DDX50: variants seen among roughly 807,000 people sequenced by gnomAD.
DDX50 encodes ATP-dependent RNA helicase DDX50.
A neutral mutation model predicts 94.8 loss-of-function variants in DDX50; 56 were observed. The observed-to-expected ratio is 0.59, with a 90% CI of 0.48 to 0.74. The LOEUF is 0.74. Ranked by LOEUF, DDX50 falls within the 30% of genes least tolerant of loss-of-function variation. The pLI is 0.00. For synonymous variants in DDX50, 264 were observed against 295.4 expected (o/e 0.89, Z 1.09); for missense variants, 713 against 881.2 (o/e 0.81, Z 2.42).
intron 12 of DDX50, among the ~76,000 whole-genome samples, chr10:68,937,481 G>A (rs1210389400): frequency 5.3e-5 from 8 of 152,040 alleles, no homozygotes; most frequent in Non-Finnish European, 1.0e-4. Context: ...ACCATGTATA[G>A]GTATCAGATC....
intron 8 of DDX50, among the ~76,000 whole-genome samples, chr10:68,931,390 A>ATATAT (rs1312993056): frequency 1.5e-3 from 70 of 46,806 alleles, no homozygotes; most frequent in South Asian, 8.4e-3. Context: ...ATTAAAAAAA[A>ATATAT]AAATATATAT....
In DDX50 at chr10:68,929,292, C is replaced by CCTTCCTTCCTTCCT. The variant is rs1554836333; in HGVS notation, c.1240-4905_1240-4904insTCCTTCCTTCCTCT. Among the ~76,000 whole-genome samples, 1,115 of 122,460 alleles carry CCTTCCTTCCTTCCT rather than the reference C, an allele frequency of 9.1e-3. 10 individuals carry two copies. The highest frequency in any genetic ancestry group is 0.017 in the Middle Eastern group (4 of 232). The allele number at this position is 122,460 out of a possible 152,430, so 80.3% of individuals were successfully genotyped here. ...TCCTTCCTTCCTTCCTTCCTTCCTT[C>CCTTCCTTCCTTCCT]CTCTCTCTCTCTCTCTCTCTCTTTC... On this transcript the variant is annotated intron_variant, in intron 8 of 14. Coordinates refer to ENST00000373585, the MANE Select transcript of DDX50 (RefSeq NM_024045.2).
At position 68,937,104 on chromosome 10, in the gene DDX50, C is replaced by A; in HGVS notation, c.1755+9C>A. On this transcript the variant is annotated intron_variant, in intron 12 of 14. Coordinates refer to ENST00000373585, the MANE Select transcript of DDX50 (RefSeq NM_024045.2). ...TGATCACCTCTGATAAGGTAGAAAT[C>A]TGTGAGAAAATTGTACATGAGTGGG... 1 of 1,582,236 alleles carries A rather than the reference C, an allele frequency of 6.3e-7. No individual in the cohort carries two copies. Among genetic ancestry groups the A allele is most frequent in the South Asian group, 1.1e-5 (1 of 87,672 alleles).
At chr10:68,913,939 TA>T in intron 6 of DDX50, 119 bp from the exon 7 acceptor site, 2 of 1,052,452 alleles carry the variant, frequency 1.9e-6, no homozygotes, top group Non-Finnish European at 2.6e-6. Context: ...GTCTGTGTGT[TA>T]AAAATTCACC....
rs538366988 is a variant in DDX50, at chr10:68,919,899, G to A, written c.1157G>A (p.Ser386Asn). 10 of 1,613,994 alleles carry A rather than the reference G, an allele frequency of 6.2e-6. No homozygotes were observed. Among genetic ancestry groups the A allele is most frequent in the Non-Finnish European group, 8.5e-6 (10 of 1,179,958 alleles). ...ATTGGAGATGTCCTTCAAGTCTACA[G>A]TGGGTCTGAAGGGAGGGCTATTATT... is the stretch of plus-strand genomic sequence containing the variant. ...AVIGDVLQVY[S>N]GSEGRAIIFC... The change falls in exon 8 of 15, where the codon AGT (serine) becomes AAT (asparagine). Residue 386 changes from serine (S) to asparagine (N), a missense_variant. By Grantham distance (46) the Ser-to-Asn change is conservative. This residue lies in a region of DDX50 where 428 missense variants were observed against 602.3 expected (regional missense o/e 0.71). Transcript: ENST00000373585.
At chr10:68,929,285 CTTCCTTCCTCTCTCT>C (rs1410717732) in intron 8 of DDX50, among the ~76,000 whole-genome samples, 1 of 77,898 alleles carries the variant, frequency 1.3e-5, no homozygotes, top group Middle Eastern at 6.4e-3. Context: ...TCCTTCCTTC[CTTCCTTCCTCTCTCT>C]CTCTCTCTCT....
chr10:68,903,027 T>C (rs1306329201), intron 1 of DDX50, among the ~76,000 whole-genome samples: 1 of 152,230 alleles, frequency 6.6e-6, no homozygotes, highest in African/African-American at 2.4e-5. Context: ...CAGAAATACA[T>C]ATTGACTGCC....
At chr10:68,911,601 G>A (rs2132026969) in intron 4 of DDX50, 1 of 159,686 alleles carries the variant, frequency 6.3e-6, no homozygotes, top group African/African-American at 2.4e-5. Context: ...TCATTTATTT[G>A]TCATTCAGTA....
chr10:68,932,512 A>G (rs1017742888), intron 8 of DDX50, among the ~76,000 whole-genome samples: 8 of 152,098 alleles, frequency 5.3e-5, no homozygotes, highest in African/African-American at 1.9e-4. Flanking sequence ...CACCCACGTC[A>G]GCCTCCCAAA....
At chr10:68,923,221 A>T (rs57083905) in intron 8 of DDX50, among the ~76,000 whole-genome samples, 87 of 142,056 alleles carry the variant, frequency 6.1e-4, no homozygotes, top group African/African-American at 1.7e-3. Context: ...TATATATTTT[A>T]TTTTTTTTTC....
chr10:68,938,966 TCAAG>T, intron 12 of DDX50, among the ~76,000 whole-genome samples: 2 of 152,336 alleles, frequency 1.3e-5, no homozygotes, highest in Non-Finnish European at 2.9e-5. Flanking sequence ...CCGAATCTCT[TCAAG>T]CATCATTTAA....
chr10:68,935,599 C>T (rs529736383), intron 10 of DDX50, among the ~76,000 whole-genome samples: 3 of 152,160 alleles, frequency 2.0e-5, no homozygotes, highest in East Asian at 1.9e-4. Context: ...CTTTGGGAGG[C>T]GGAGATGGGC....
At chr10:68,946,199 CTTA>C (rs1006162956) in intron 14 of DDX50, among the ~76,000 whole-genome samples, 150 bp from the exon 15 acceptor site, 1 of 151,902 alleles carries the variant, frequency 6.6e-6, no homozygotes. Flanking sequence ...AATATTTTTG[CTTA>C]TTTTCTGGTT....
intron 12 of DDX50, 146 bp downstream of exon 12, chr10:68,937,241 C>G (rs1191120861): frequency 3.6e-6 from 3 of 844,508 alleles, no homozygotes; most frequent in Non-Finnish European, 5.0e-6. Flanking sequence ...CCTCTACTCC[C>G]TAATAAATCC....
Position 68,932,348 on chromosome 10 carries a change from C to T in DDX50, c.1240-1851C>T, listed in dbSNP as rs570937341. Among the ~76,000 whole-genome samples, 23 of 152,300 alleles carry T rather than the reference C, an allele frequency of 1.5e-4. 1 individual carries two copies. Among genetic ancestry groups the T allele is most frequent in the African/African-American group, 4.3e-4 (18 of 41,570 alleles). On this transcript the variant is annotated intron_variant, in intron 8 of 14. Coordinates refer to ENST00000373585, the MANE Select transcript of DDX50 (RefSeq NM_024045.2). ...GATTACGGCTCACTGCAACTTTTAC[C>T]TCCTGGGTTCAAATGATTCTCCTGC...
chr10:68,904,014 G>A (rs539553422), intron 1 of DDX50, among the ~76,000 whole-genome samples: 20 of 149,022 alleles, frequency 1.3e-4, no homozygotes, highest in Admixed American at 2.7e-4. Context: ...CGTGGTGGCA[G>A]ACGCCTGTAA....
chr10:68,925,095 G>GTTTTTTTTTTTTTTTTT (rs1239190321), intron 8 of DDX50, among the ~76,000 whole-genome samples: 2 of 28,562 alleles, frequency 7.0e-5, no homozygotes, highest in Admixed American at 4.2e-4. Context: ...CCTGCTCATG[G>GTTTTTTTTTTTTTTTTT]TTTTTTTTTT....
intron 12 of DDX50, among the ~76,000 whole-genome samples, chr10:68,938,587 G>A (rs1456925592): frequency 1.3e-5 from 2 of 152,140 alleles, no homozygotes; most frequent in Admixed American, 6.6e-5. Flanking sequence ...GTGATGGGGA[G>A]GAGGAAACAA....
intron 7 of DDX50, among the ~76,000 whole-genome samples, chr10:68,914,984 G>A (rs778998290): frequency 6.8e-5 from 10 of 146,762 alleles, no homozygotes; most frequent in South Asian, 2.2e-4. Context: ...TTGCGCCACC[G>A]TACTCCAGCC....
Sources: allele counts gnomAD v4.1 joint callset (sites outside exome capture counted in the v4.1 genomes callset), GRCh38; gene constraint gnomAD v4.1.1; regional missense constraint gnomAD v4.1.1; transcripts MANE v1.5; gene names NCBI Gene and HGNC (gene_info 2026-07-23, HGNC 2026-07-21).